The following USP28 variants were observed in gnomAD, a reference collection of about 807,000 sequenced individuals.
USP28 encodes the protein ubiquitin carboxyl-terminal hydrolase 28.
A neutral mutation model predicts 145.0 loss-of-function variants in USP28; 113 were observed. The ratio of observed to expected loss-of-function variants is 0.78; its 90% CI spans 0.67 to 0.91. USP28 has a LOEUF of 0.91. Among genes scored for constraint, USP28 ranks in the 40% least tolerant of loss-of-function variants. USP28 has a pLI of 0.00. For missense variants in USP28, 1,201 were observed against 1,289.6 expected, an observed-to-expected ratio of 0.93 and a Z score of 1.05; for synonymous variants, 447 against 450.9, an observed-to-expected ratio of 0.99 and a Z score of 0.11.
intron 22 of USP28, among the ~76,000 whole-genome samples, 165 bp downstream of exon 23, chr11:113,803,633 T>C (rs911069576): frequency 6.6e-6 from 1 of 152,212 alleles, no homozygotes; most frequent in African/African-American, 2.4e-5. Flanking sequence ...TGAAAAACCA[T>C]GTGTGATGTT....
At chr11:113,832,918 G>T (rs1370002305) in intron 7 of USP28, among the ~76,000 whole-genome samples, 1 of 152,034 alleles carries the variant, frequency 6.6e-6, no homozygotes, top group Non-Finnish European at 1.5e-5. Flanking sequence ...CTACAGGTGC[G>T]TACCACCATG....
chr11:113,850,206 T>C (rs911949005), intron 3 of USP28, among the ~76,000 whole-genome samples: 2 of 152,108 alleles, frequency 1.3e-5, no homozygotes, highest in Non-Finnish European at 2.9e-5. Flanking sequence ...TCATTACCTA[T>C]AAAGTTGAAG....
At chr11:113,823,495 T>C (rs1942928609) in intron 12 of USP28, 110 bp downstream of exon 12, 5 of 897,416 alleles carry the variant, frequency 5.6e-6, no homozygotes, top group South Asian at 5.5e-5. Context: ...AGCTGTTTTA[T>C]AAAATATTCT....
chr11:113,838,247 CTT>C (rs912726205), intron 5 of USP28, among the ~76,000 whole-genome samples: 1 of 152,196 alleles, frequency 6.6e-6, no homozygotes, highest in African/African-American at 2.4e-5. Flanking sequence ...GGAGCATTAT[CTT>C]TCTCTCTCTC....
At chr11:113,862,359 TA>T (rs1337080832) in intron 1 of USP28, among the ~76,000 whole-genome samples, 1 of 152,002 alleles carries the variant, frequency 6.6e-6, no homozygotes, top group East Asian at 1.9e-4. Flanking sequence ...AATAAATAAA[TA>T]ACAGAGATCA....
chr11:113,808,133 T>G, intron 18 of USP28: 1 of 1,514,020 alleles, frequency 6.6e-7, no homozygotes, highest in East Asian at 2.4e-5. Flanking sequence ...TCAGCTTCTT[T>G]AAGCTGTGGC....
intron 1 of USP28, among the ~76,000 whole-genome samples, chr11:113,859,838 A>C (rs1947460607): frequency 6.6e-6 from 1 of 152,246 alleles, no homozygotes; most frequent in Non-Finnish European, 1.5e-5. Flanking sequence ...CCTGAGCTAA[A>C]TTCACATTGT....
chr11:113,819,883 C>T (rs1252561560), intron 12 of USP28, among the ~76,000 whole-genome samples: 1 of 152,142 alleles, frequency 6.6e-6, no homozygotes, highest in Admixed American at 6.5e-5. Flanking sequence ...CCACGCTCGG[C>T]TAATTCTGTA....
rs747089133 is a variant in USP28, at chr11:113,808,027, G to C, written c.2304+271C>G. 3.2e-6 allele frequency: 4 copies of C among 1,257,362 alleles called. No individual in the cohort carries two copies. In the South Asian group the frequency reaches 6.9e-5, roughly 22 times the overall value. The allele number at this position is 1,257,362 out of a possible 1,614,324, so 77.9% of individuals were successfully genotyped here. On this transcript the variant is annotated intron_variant, in intron 18 of 24. Transcript: ENST00000003302. ...GGGAATCTCGACTTCAGAGACCTCA[G>C]AATTAGGCTGGGCAGTAGACTCTGC...
At chr11:113,803,999 C>T in intron 21 of USP28, 122 bp from the exon 23 acceptor site, 1 of 773,480 alleles carries the variant, frequency 1.3e-6, no homozygotes, top group Non-Finnish European at 2.0e-6. Context: ...ACAAAAATAA[C>T]AAACAAAAGC....
chr11:113,811,080 G>A (rs1194715563), intron 16 of USP28, among the ~76,000 whole-genome samples: 4 of 152,238 alleles, frequency 2.6e-5, no homozygotes, highest in Admixed American at 6.5e-5. Context: ...CATAGAGGAT[G>A]TGAAAGAAAG....
At chr11:113,850,550 A>G (rs1946343207) in intron 3 of USP28, among the ~76,000 whole-genome samples, 2 of 150,790 alleles carry the variant, frequency 1.3e-5, no homozygotes, top group South Asian at 4.1e-4. Context: ...AGAATAGCTC[A>G]AAACTGTTAA....
chr11:113,860,897 T>C (rs1293166739), intron 1 of USP28, among the ~76,000 whole-genome samples: 1 of 151,204 alleles, frequency 6.6e-6, no homozygotes, highest in Non-Finnish European at 1.5e-5. Flanking sequence ...GGCAGGCAGA[T>C]CACGAGGTCA....
intron 3 of USP28, among the ~76,000 whole-genome samples, chr11:113,848,335 G>A (rs1235730759): frequency 6.6e-6 from 1 of 152,174 alleles, no homozygotes; most frequent in African/African-American, 2.4e-5. Context: ...GAAAGGCAGA[G>A]ACCACAAAGA....
chr11:113,829,074 C>T, intron 10 of USP28, 123 bp downstream of exon 10: 1 of 1,332,966 alleles, frequency 7.5e-7, no homozygotes, highest in African/African-American at 1.5e-5. Flanking sequence ...AGACTTAAGA[C>T]AAATTCAAGT....
intron 1 of USP28, among the ~76,000 whole-genome samples, chr11:113,872,961 A>G (rs1266479853): frequency 2.6e-5 from 4 of 152,210 alleles, no homozygotes; most frequent in Non-Finnish European, 5.9e-5. Flanking sequence ...TATTTCTCGC[A>G]CTAAAATTCT....
chr11:113,827,764 A>G (rs1943544075), intron 10 of USP28, among the ~76,000 whole-genome samples: 1 of 152,228 alleles, frequency 6.6e-6, no homozygotes, highest in Admixed American at 6.5e-5. Context: ...TCGAAGCAGC[A>G]TGTAGCTAAA....
exon 11 of USP28, chr11:113,827,287 T>C (rs1943485610): frequency 6.2e-7 from 1 of 1,613,304 alleles, no homozygotes; most frequent in African/African-American, 1.3e-5. Flanking sequence ...TTTCTCTGGC[T>C]GCCCAAGGGA....
intron 2 of USP28, 92 bp from the exon 3 acceptor site, chr11:113,852,725 T>A: frequency 1.4e-6 from 2 of 1,404,020 alleles, no homozygotes; most frequent in Non-Finnish European, 1.9e-6. Flanking sequence ...GGTGACACAC[T>A]GAGTACTTTC....
Sources: gnomAD v4.1 joint callset for allele counts (sites outside exome capture counted in the v4.1 genomes callset) on GRCh38, gnomAD v4.1.1 for gene constraint, MANE v1.5 for transcripts, NCBI Gene and HGNC (gene_info 2026-07-23, HGNC 2026-07-21) for gene names.